LRRTM4: variants seen among roughly 807,000 people sequenced by gnomAD.
LRRTM4 encodes leucine rich repeat transmembrane neuronal 4, also known as leucine-rich repeat transmembrane neuronal protein 4.
A neutral mutation model predicts 47.6 loss-of-function variants in LRRTM4; 25 were observed. The observed-to-expected ratio is 0.53, with a 90% CI of 0.38 to 0.73. The LOEUF is 0.73. Among genes scored for constraint, LRRTM4 ranks in the 30% least tolerant of loss-of-function variants. The pLI is 0.00. For missense variants in LRRTM4, 638 were observed against 713.4 expected (o/e 0.89, Z 1.20); for synonymous variants, 311 against 269.5 (o/e 1.15, Z -1.51).
chr2:77,418,532 A>C (rs539181862), intron 3 of LRRTM4, among the ~76,000 whole-genome samples: 1 of 152,286 alleles, frequency 6.6e-6, no homozygotes, highest in Non-Finnish European at 1.5e-5. Flanking sequence ...TGTGCTCAAA[A>C]ATTTCCAGTG....
intron 3 of LRRTM4, among the ~76,000 whole-genome samples, chr2:76,808,819 T>C (rs536019037): frequency 2.4e-5 from 3 of 123,114 alleles, no homozygotes; most frequent in East Asian, 3.5e-4. Flanking sequence ...CATTTTCTGC[T>C]GAACTTTTTT....
chr2:77,020,187 A>T lies in LRRTM4; in HGVS notation c.1552-271271T>A, dbSNP rs111620125. On this transcript the variant is annotated intron_variant, in intron 3 of 3. Transcript: ENST00000409884. ...GTTTATAAGTAGTATTAATAAAAAA[A>T]ATAGAAGGCACAGAACTCTTTTGGT... 8.1e-3 allele frequency among the ~76,000 whole-genome samples: 1,237 copies of T among 151,828 alleles called. 11 individuals are homozygous for T. The highest frequency in any genetic ancestry group is 0.013 in the Non-Finnish European group (876 of 67,900).
At chr2:76,809,556 C>G (rs761163411) in intron 3 of LRRTM4, among the ~76,000 whole-genome samples, 10 of 152,154 alleles carry the variant, frequency 6.6e-5, no homozygotes, top group Non-Finnish European at 8.8e-5. Flanking sequence ...CTCAGCCAGG[C>G]AATCACTAAT....
chr2:76,995,942 C>A (rs985473584), intron 3 of LRRTM4, among the ~76,000 whole-genome samples: 1 of 151,978 alleles, frequency 6.6e-6, no homozygotes, highest in African/African-American at 2.4e-5. Context: ...ATTTAAAAAA[C>A]TCAGGGAGAA....
At chr2:77,231,413 C>A (rs1471175223) in intron 3 of LRRTM4, among the ~76,000 whole-genome samples, 3 of 152,150 alleles carry the variant, frequency 2.0e-5, no homozygotes, top group Admixed American at 2.0e-4. Context: ...CAGAGATTAG[C>A]AAACTATATC....
At chr2:77,199,431 T>C (rs1213923562) in intron 3 of LRRTM4, among the ~76,000 whole-genome samples, 1 of 152,158 alleles carries the variant, frequency 6.6e-6, no homozygotes, top group African/African-American at 2.4e-5. Context: ...CATTTTGCTA[T>C]AATGCCCTCT....
At chr2:77,286,066 T>C (rs1415600304) in intron 3 of LRRTM4, among the ~76,000 whole-genome samples, 1 of 152,130 alleles carries the variant, frequency 6.6e-6, no homozygotes, top group African/African-American at 2.4e-5. Context: ...CTGAAATTAT[T>C]AGAATCTGAA....
intron 3 of LRRTM4, among the ~76,000 whole-genome samples, chr2:77,266,054 A>G (rs1054663840): frequency 6.6e-6 from 1 of 152,176 alleles, no homozygotes; most frequent in Non-Finnish European, 1.5e-5. Flanking sequence ...ATGAAGATTT[A>G]TTGGAACACA....
intron 3 of LRRTM4, among the ~76,000 whole-genome samples, chr2:77,246,813 C>A (rs1675458891): frequency 6.6e-6 from 1 of 151,826 alleles, no homozygotes. Flanking sequence ...TATACATATA[C>A]ATATGACACG....
rs1438474000 is a variant in LRRTM4 at position 76,899,981 on chromosome 2, C to A, written c.1552-151065G>T. 3.3e-5 allele frequency among the ~76,000 whole-genome samples: 5 copies of A among 152,238 alleles called. No homozygotes were observed. The East Asian group carries it at 9.7e-4, about 29-fold the overall frequency. Reference sequence around the variant, plus strand: ...CGGTGGCTCACACCTGTAATCTCAGCACTTTGGGGGGCCAAAGTGGGTGGA... The same window carrying A: ...CGGTGGCTCACACCTGTAATCTCAGAACTTTGGGGGGCCAAAGTGGGTGGA... On this transcript the variant is annotated intron_variant, in intron 3 of 3. Coordinates refer to ENST00000409884, the MANE Select transcript of LRRTM4 (RefSeq NM_001134745.3).
At chr2:76,850,094 C>T (rs1420429017) in intron 3 of LRRTM4, among the ~76,000 whole-genome samples, 1 of 152,110 alleles carries the variant, frequency 6.6e-6, no homozygotes, top group African/African-American at 2.4e-5. Flanking sequence ...AGACCTTTCT[C>T]AAATGAACTT....
At chr2:76,909,912 T>C (rs528430924) in intron 3 of LRRTM4, among the ~76,000 whole-genome samples, 1 of 152,332 alleles carries the variant, frequency 6.6e-6, no homozygotes, top group South Asian at 2.1e-4. Context: ...TGTCAACTAG[T>C]TCAACCATTG....
intron 3 of LRRTM4, among the ~76,000 whole-genome samples, chr2:77,160,941 TC>T (rs1282641997): frequency 4.6e-5 from 7 of 152,308 alleles, no homozygotes; most frequent in Admixed American, 1.3e-4. Flanking sequence ...CTGATTATCT[TC>T]CTGTCCTAGT....
At position 77,156,163 on chromosome 2, in the gene LRRTM4, A is replaced by G. The variant is rs193167200; in HGVS notation, c.1551+362155T>C. 4.6e-5 allele frequency among the ~76,000 whole-genome samples: 7 copies of G among 152,262 alleles called. No homozygotes were observed. The East Asian group carries it at 1.4e-3, about 29-fold the overall frequency. On this transcript the variant is annotated intron_variant, in intron 3 of 3. Coordinates refer to ENST00000409884, the MANE Select transcript of LRRTM4 (RefSeq NM_001134745.3). The stretch of plus-strand genomic sequence containing the variant: ...GCATTAAACAGGAGCACTCAGTTAA[A>G]AAGAATTATAATTTATAAACACCAT...
chr2:77,251,523 T>C lies in LRRTM4; in HGVS notation c.1551+266795A>G, dbSNP rs191540604. ...ACCTCAGAAGTTATAATAAACAACG[T>C]GAGTCTAAAGCTAGCTATGTATCAT... On this transcript the variant is annotated intron_variant, in intron 3 of 3. Transcript: ENST00000409884. 1.7e-4 allele frequency among the ~76,000 whole-genome samples: 26 copies of C among 152,196 alleles called. No individual in the cohort carries two copies. In the East Asian group the frequency reaches 4.9e-3, roughly 28 times the overall value.
intron 3 of LRRTM4, among the ~76,000 whole-genome samples, chr2:76,956,708 GA>G (rs1202431704): frequency 6.7e-6 from 1 of 149,754 alleles, no homozygotes; most frequent in Non-Finnish European, 1.5e-5. Context: ...AGGAAACTAA[GA>G]AAAAAAGAGA....
chr2:76,803,456 C>G (rs551805620), intron 3 of LRRTM4, among the ~76,000 whole-genome samples: 6 of 152,046 alleles, frequency 3.9e-5, no homozygotes, highest in Non-Finnish European at 8.8e-5. Context: ...TACATTTTGG[C>G]GAGGTTGTGG....
chr2:77,015,747 C>T (rs1158680068), intron 3 of LRRTM4, among the ~76,000 whole-genome samples: 1 of 152,120 alleles, frequency 6.6e-6, no homozygotes, highest in Non-Finnish European at 1.5e-5. Context: ...GGGAAAAAGC[C>T]TGGAAATGTC....
chr2:76,810,892 T>C (rs79309001), intron 3 of LRRTM4, among the ~76,000 whole-genome samples: 1 of 152,152 alleles, frequency 6.6e-6, no homozygotes, highest in Admixed American at 6.6e-5. Flanking sequence ...TATCTTACCA[T>C]TGACACATAC....
Sources: gnomAD v4.1 joint callset for allele counts (sites outside exome capture counted in the v4.1 genomes callset) on GRCh38, gnomAD v4.1.1 for gene constraint, MANE v1.5 for transcripts, NCBI Gene and HGNC (gene_info 2026-07-23, HGNC 2026-07-21) for gene names.